Variants in VAV1 observed in about 807,000 individuals in gnomAD.
The protein encoded by VAV1 is proto-oncogene vav.
In VAV1, 33 loss-of-function variants were observed where a neutral mutation model predicts 128.1. That is an observed-to-expected ratio of 0.26 (90% confidence interval 0.20 to 0.34). The LOEUF is 0.34. Among genes scored for constraint, VAV1 ranks in the 10% least tolerant of loss-of-function variants. VAV1 has a pLI of 1.00. For synonymous variants in VAV1, 394 were observed against 409.8 expected (o/e 0.96, Z 0.47); for missense variants, 715 against 1,093.7 (o/e 0.65, Z 4.88).
At chr19:6,843,095 G>A in intron 21 of VAV1, 40 bp from the exon 22 acceptor site, 1 of 1,609,640 alleles carries the variant, frequency 6.2e-7, no homozygotes, top group South Asian at 1.1e-5. Context: ...GTCAAGCTGG[G>A]GTCTTTACAC....
At chr19:6,849,323 T>G (rs887036256) in intron 23 of VAV1, among the ~76,000 whole-genome samples, 2 of 124,484 alleles carry the variant, frequency 1.6e-5, no homozygotes, top group Non-Finnish European at 3.3e-5. Context: ...GAGTCTCACT[T>G]TGCCGCCCAG....
At chr19:6,854,292 G>A (rs945918252) in intron 26 of VAV1, among the ~76,000 whole-genome samples, 194 bp downstream of exon 26, 15 of 152,216 alleles carry the variant, frequency 9.9e-5, no homozygotes, top group African/African-American at 3.6e-4. Context: ...CACCTGCTGT[G>A]TGCAGACATT....
chr19:6,774,290 G>C (rs968600423), intron 1 of VAV1, among the ~76,000 whole-genome samples: 4 of 151,546 alleles, frequency 2.6e-5, no homozygotes, highest in Non-Finnish European at 4.4e-5. Flanking sequence ...ACCACGCCTG[G>C]CTAATTTTTT....
In VAV1 at chr19:6,828,846, A is replaced by G; in HGVS notation, c.1211A>G (p.Lys404Arg). 2 of 1,614,166 alleles carry G rather than the reference A, an allele frequency of 1.2e-6. No individual in the cohort carries two copies. The highest frequency in any genetic ancestry group is 1.7e-6 in the Non-Finnish European group (2 of 1,180,022). ...DQSLAHYGRP[K>R]IDGELKITSV... ...TCTCTGGCTCACTATGGCCGGCCCA[A>G]GATCGACGGGGAACTCAAGATCACC... The change falls in exon 13 of 27, where the codon AAG (lysine) becomes AGG (arginine). Residue 404 changes from lysine to arginine, a missense_variant. By Grantham distance (26) the Lys-to-Arg change is conservative. Coordinates refer to ENST00000602142, the MANE Select transcript of VAV1 (RefSeq NM_005428.4). This position sits in a 1 kb window ranked among gnomAD's most constrained non-coding sequence, Gnocchi z 4.5.
At chr19:6,821,186 G>T (rs796309494) in intron 2 of VAV1, among the ~76,000 whole-genome samples, 1 of 152,144 alleles carries the variant, frequency 6.6e-6, no homozygotes, top group Non-Finnish European at 1.5e-5. Flanking sequence ...CAGATCACGA[G>T]GTCAGGAGAT....
At chr19:6,812,451 T>C (rs1270356551) in intron 1 of VAV1, among the ~76,000 whole-genome samples, 2 of 152,050 alleles carry the variant, frequency 1.3e-5, no homozygotes, top group African/African-American at 4.8e-5. Context: ...GGTAAGGAGT[T>C]CAAGACCAGC....
At chr19:6,774,294 A>AT (rs879912218) in intron 1 of VAV1, among the ~76,000 whole-genome samples, 2 of 141,610 alleles carry the variant, frequency 1.4e-5, no homozygotes, top group Admixed American at 7.1e-5. Flanking sequence ...CGCCTGGCTA[A>AT]TTTTTTGTAT....
intron 26 of VAV1, among the ~76,000 whole-genome samples, chr19:6,854,671 T>A (rs1310931644): frequency 6.6e-6 from 1 of 151,966 alleles, no homozygotes; most frequent in Non-Finnish European, 1.5e-5. Context: ...GCTATGATTG[T>A]GCCACTGCAG....
chr19:6,793,335 AAAAG>A (rs372531316), intron 1 of VAV1, among the ~76,000 whole-genome samples: 20 of 151,908 alleles, frequency 1.3e-4, no homozygotes, highest in Middle Eastern at 3.4e-3. Flanking sequence ...CTCCATCTCA[AAAAG>A]AAAGAAAGAA....
intron 1 of VAV1, among the ~76,000 whole-genome samples, chr19:6,805,078 A>G (rs2144737807): frequency 6.6e-6 from 1 of 152,094 alleles, no homozygotes; most frequent in African/African-American, 2.4e-5. Flanking sequence ...GTTTATGCAG[A>G]AATTTCCAGG....
intron 26 of VAV1, among the ~76,000 whole-genome samples, chr19:6,855,583 C>T (rs1013037775): frequency 6.6e-6 from 1 of 152,088 alleles, no homozygotes; most frequent in Non-Finnish European, 1.5e-5. Flanking sequence ...AAACATTAAT[C>T]TATCCATTAA....
At chr19:6,847,917 G>A (rs968330635) in intron 22 of VAV1, 81 bp from the exon 23 acceptor site, 5 of 1,313,080 alleles carry the variant, frequency 3.8e-6, no homozygotes, top group Non-Finnish European at 5.0e-6. Context: ...GGGGTTCAGG[G>A]GGAAAGGCAA....
intron 21 of VAV1, among the ~76,000 whole-genome samples, chr19:6,838,392 TATCCATCCATCCATCCATCC>T (rs60060059): frequency 4.8e-5 from 7 of 146,140 alleles, no homozygotes; most frequent in African/African-American, 1.0e-4. Context: ...TCAGTTCTTC[TATCCATCCATCCATCCATCC>T]ATCCATCCAT....
At chr19:6,817,147 A>G (rs909486699) in intron 1 of VAV1, among the ~76,000 whole-genome samples, 8 of 151,280 alleles carry the variant, frequency 5.3e-5, no homozygotes, top group African/African-American at 1.9e-4. Flanking sequence ...CTCCTGGTTC[A>G]AGCAATTCTC....
chr19:6,849,261 TC>T (rs1351204884), intron 23 of VAV1, among the ~76,000 whole-genome samples: 2 of 131,182 alleles, frequency 1.5e-5, no homozygotes, highest in African/African-American at 6.0e-5. Context: ...CCTCTAGTGC[TC>T]CCCCGAGTCT....
At position 6,826,537 on chromosome 19, in the gene VAV1, G is replaced by A; in HGVS notation, c.828-75G>A. The A allele has an allele frequency of 8.5e-7, 1 of 1,172,580 alleles. No individual in the cohort carries two copies. Among genetic ancestry groups the A allele is most frequent in the Non-Finnish European group, 1.2e-6 (1 of 808,124 alleles). The allele number at this position is 1,172,580 out of a possible 1,614,324, so 72.6% of individuals were successfully genotyped here. ...TTCTTCTCCAGCGGGGAAGAGCAAG[G>A]CCAGGGCTGACGCCAGCCTCTGCCC... On this transcript the variant is annotated intron_variant, in intron 8 of 26. Transcript: ENST00000602142. This position sits in a 1 kb window ranked among gnomAD's most constrained non-coding sequence, Gnocchi z 4.1.
chr19:6,847,368 G>C (rs1972550084), intron 22 of VAV1, among the ~76,000 whole-genome samples: 1 of 152,044 alleles, frequency 6.6e-6, no homozygotes, highest in African/African-American at 2.4e-5. Context: ...TCTGTGGATT[G>C]GCGTGTTCTG....
At chr19:6,779,204 A>G (rs549434212) in intron 1 of VAV1, among the ~76,000 whole-genome samples, 5 of 150,914 alleles carry the variant, frequency 3.3e-5, no homozygotes, top group African/African-American at 9.7e-5. Context: ...GGTGTGCACC[A>G]GCAATACCTG....
intron 1 of VAV1, among the ~76,000 whole-genome samples, chr19:6,782,508 A>T (rs1970788648): frequency 6.6e-6 from 1 of 152,146 alleles, no homozygotes; most frequent in South Asian, 2.1e-4. Flanking sequence ...ATTTTTGTTA[A>T]TTTAATTCCA....
Sources: gnomAD v4.1 joint callset for allele counts (sites outside exome capture counted in the v4.1 genomes callset) on GRCh38, gnomAD v4.1.1 for gene constraint, Gnocchi (gnomAD v3.1) non-coding constraint, MANE v1.5 for transcripts, NCBI Gene and HGNC (gene_info 2026-07-23, HGNC 2026-07-21) for gene names.